The following FCER2 variants were observed in gnomAD, a reference collection of about 807,000 sequenced individuals.
FCER2 encodes Fc epsilon receptor II.
FCER2 carries 38 observed loss-of-function variants against 49.7 expected under a neutral mutation model. That is an observed-to-expected ratio of 0.76 (90% CI 0.59 to 1.00). FCER2 has a LOEUF of 1.00. Among genes scored for constraint, FCER2 ranks in the 50% least tolerant of loss-of-function variants. FCER2 has a pLI of 0.00. For synonymous variants in FCER2, 163 were observed against 164.6 expected, an observed-to-expected ratio of 0.99 and a Z score of 0.07; for missense variants, 425 against 419.5, an observed-to-expected ratio of 1.01 and a Z score of -0.11.
Position 7,694,762 on chromosome 19 carries a change from G to T in FCER2, c.469+2063C>A, listed in dbSNP as rs531271937. On this transcript the variant is annotated intron_variant, in intron 8 of 10. Coordinates refer to ENST00000597921, the MANE Select transcript of FCER2 (RefSeq NM_001220500.2). ...CAGCTGGGGCTTCCCAGAGGTCAAA[G>T]ACCAAAAATCAAGGGTGGGGGCATT... 2.6e-5 allele frequency among the ~76,000 whole-genome samples: 4 copies of T among 152,178 alleles called. No homozygotes were observed. In the East Asian group the frequency reaches 7.7e-4, roughly 29 times the overall value.
Position 7,697,592 on chromosome 19 carries a change from G to A in FCER2, c.191-3C>T. 6 of 1,613,808 alleles carry A rather than the reference G, an allele frequency of 3.7e-6. No individual in the cohort carries two copies. The highest frequency in any genetic ancestry group is 4.2e-6 in the Non-Finnish European group (5 of 1,179,782). ...CAAGTTCTTGGAAACTTGAGAGACT[G>A]GAGCGGCGGGAGAGAAGAGATATCC... On this transcript the variant is annotated splice_polypyrimidine_tract_variant and splice_region_variant and intron_variant, in intron 4 of 10. Coordinates refer to ENST00000597921, the MANE Select transcript of FCER2 (RefSeq NM_001220500.2).
intron 8 of FCER2, among the ~76,000 whole-genome samples, chr19:7,696,526 G>A (rs969084006): frequency 4.6e-5 from 7 of 152,064 alleles, no homozygotes; most frequent in Non-Finnish European, 8.8e-5. Flanking sequence ...GTGAGCCACC[G>A]CGCCTGGCCA....
chr19:7,701,050 T>A (rs2033142441), intron 1 of FCER2, among the ~76,000 whole-genome samples: 1 of 152,118 alleles, frequency 6.6e-6, no homozygotes, highest in Non-Finnish European at 1.5e-5. Context: ...CCACAGGTGA[T>A]CTGCCCTCCT....
Position 7,697,515 on chromosome 19 carries a change from G to A in FCER2, c.253+12C>T. The A allele has an allele frequency of 6.2e-7, 1 of 1,612,194 alleles. No individual in the cohort carries two copies. The highest frequency in any genetic ancestry group is 8.5e-7 in the Non-Finnish European group (1 of 1,178,422). ...TTTTTCCCCTGCAACCCCAACTCCA[G>A]GAGTCACTCACACTGGGATTTCTGC... On this transcript the variant is annotated intron_variant, in intron 5 of 10. Coordinates refer to ENST00000597921, the MANE Select transcript of FCER2 (RefSeq NM_001220500.2).
In FCER2 at chr19:7,701,820, A is replaced by C. The variant is rs572788686; in HGVS notation, c.-86+195T>G. 3.7e-3 allele frequency among the ~76,000 whole-genome samples: 556 copies of C among 151,840 alleles called. 3 individuals carry two copies. The highest frequency in any genetic ancestry group is 6.4e-3 in the Non-Finnish European group (435 of 67,908). On this transcript the variant is annotated intron_variant, in intron 1 of 10. Transcript: ENST00000597921. ...CAGATGGCCTGCTTTCACTTCCCCA[A>C]ATCAGGGACTCGAATGCCTCGAGAT...
At position 7,697,310 on chromosome 19, in the gene FCER2, G is replaced by A. The variant is rs2033042347; in HGVS notation, c.254-12C>T. Reference sequence around the variant, plus strand: ...TGAAATCTGCGTGGCTGTTTGCAGGGGAGGGGGCTTCATGGTAAGCAGGTC... The same window carrying A: ...TGAAATCTGCGTGGCTGTTTGCAGGAGAGGGGGCTTCATGGTAAGCAGGTC... On this transcript the variant is annotated splice_polypyrimidine_tract_variant and intron_variant, in intron 5 of 10. Transcript: ENST00000597921. 1.2e-6 allele frequency: 2 copies of A among 1,613,944 alleles called. No individual in the cohort carries two copies. The highest frequency in any genetic ancestry group is 1.3e-5 in the African/African-American group (1 of 75,026).
intron 9 of FCER2, 53 bp downstream of exon 9, chr19:7,690,353 G>C: frequency 1.3e-6 from 2 of 1,599,598 alleles, no homozygotes; most frequent in Non-Finnish European, 1.7e-6. Context: ...GTGGGGTGGG[G>C]GTCCCCCCAC....
At chr19:7,695,435 A>G (rs2032984952) in intron 8 of FCER2, among the ~76,000 whole-genome samples, 1 of 152,174 alleles carries the variant, frequency 6.6e-6, no homozygotes, top group South Asian at 2.1e-4. Context: ...GCAGAAGAGG[A>G]AAAAAATTGT....
rs1419062258 is a variant in FCER2, at chr19:7,690,426, T to C, written c.601A>G (p.Ile201Val). The change falls in exon 9 of 11, where the codon ATC (isoleucine) becomes GTC (valine). Residue 201 changes from isoleucine to valine, a missense_variant. Transcript: ENST00000597921. The stretch of plus-strand genomic sequence containing the variant: ...CCCACCTGCTCCTCCGGGCTGTGGA[T>C]GCTGACCAGCTGCCCTTCCATGTCG... ...CDDMEGQLVS[I>V]HSPEEQDFLT... 2 of 1,613,950 alleles carry C rather than the reference T, an allele frequency of 1.2e-6. No homozygotes were observed. Among genetic ancestry groups the C allele is most frequent in the African/African-American group, 2.7e-5 (2 of 74,928 alleles).
chr19:7,698,220 C>T (rs2033066674), intron 4 of FCER2, 136 bp downstream of exon 4: 2 of 611,360 alleles, frequency 3.3e-6, no homozygotes, highest in Admixed American at 3.3e-5. Flanking sequence ...GGGTCCCCGC[C>T]TTCCCTAGGA....
intron 8 of FCER2, among the ~76,000 whole-genome samples, chr19:7,695,944 T>G (rs1370498555): frequency 1.6e-5 from 2 of 125,234 alleles, no homozygotes; most frequent in Non-Finnish European, 3.3e-5. Flanking sequence ...TTTTTTTTTT[T>G]GAGACAGAGT....
At chr19:7,698,706 T>C (rs376301496) in intron 3 of FCER2, 35 bp downstream of exon 3, 14 of 1,604,120 alleles carry the variant, frequency 8.7e-6, no homozygotes, top group African/African-American at 2.7e-5. Context: ...GCCCCATGAG[T>C]TGGGGGGACC....
chr19:7,696,082 C>T (rs947902332), intron 8 of FCER2, among the ~76,000 whole-genome samples: 19 of 151,736 alleles, frequency 1.3e-4, no homozygotes, highest in Non-Finnish European at 2.8e-4. Context: ...TACGTATGCC[C>T]GCCACCACAC....
intron 4 of FCER2, 22 bp downstream of exon 4, chr19:7,698,334 C>G (rs751903802): frequency 1.6e-5 from 25 of 1,564,290 alleles, no homozygotes; most frequent in Non-Finnish European, 2.2e-5. Context: ...CCCCCACCCC[C>G]TCCACCTTGA....
chr19:7,696,897 C>T lies in FCER2; in HGVS notation c.397G>A (p.Glu133Lys), dbSNP rs553251380. 37 of 1,582,858 alleles carry T rather than the reference C, an allele frequency of 2.3e-5. No homozygotes were observed. Among genetic ancestry groups the T allele is most frequent in the South Asian group, 4.6e-5 (4 of 86,678 alleles). Residue 133 changes from glutamate to lysine, a missense_variant, in exon 8 of 11, where the codon GAA (glutamate) becomes AAA (lysine). By Grantham distance (56) the Glu-to-Lys change is moderately conservative. Coordinates refer to ENST00000597921, the MANE Select transcript of FCER2 (RefSeq NM_001220500.2). ...FKSQELNERNEASDLLERLRE... is the reference protein window; with the variant it reads ...FKSQELNERNKASDLLERLRE... ...AGTCTTTCCAGCAAATCTGAAGCTT[C>T]GTTCCTCTCGTTCAATTCTTGGGGA...
chr19:7,697,709 T>A, intron 4 of FCER2, 120 bp from the exon 5 acceptor site: 3 of 768,308 alleles, frequency 3.9e-6, no homozygotes, highest in Admixed American at 4.4e-5. Flanking sequence ...TTGCTGTTTG[T>A]TCATTTACTG....
At chr19:7,699,509 C>G (rs1265042686) in intron 2 of FCER2, 13 of 1,373,950 alleles carry the variant, frequency 9.5e-6, no homozygotes, top group South Asian at 2.8e-5. Flanking sequence ...CTTTTTTTGT[C>G]AGGAGGGTGT....
At chr19:7,695,279 C>T (rs961143068) in intron 8 of FCER2, among the ~76,000 whole-genome samples, 1 of 152,144 alleles carries the variant, frequency 6.6e-6, no homozygotes, top group African/African-American at 2.4e-5. Context: ...AGACATTACC[C>T]CCGTCTGGCT....
intron 8 of FCER2, among the ~76,000 whole-genome samples, chr19:7,696,056 C>T (rs1056219188): frequency 6.6e-6 from 1 of 151,640 alleles, no homozygotes; most frequent in African/African-American, 2.4e-5. Context: ...GCCTCAGCCT[C>T]CCAAGTAGCT....
Sources: allele counts gnomAD v4.1 joint callset (sites outside exome capture counted in the v4.1 genomes callset), GRCh38; gene constraint gnomAD v4.1.1; transcripts MANE v1.5; gene names NCBI Gene and HGNC (gene_info 2026-07-23, HGNC 2026-07-21).